The following VRK2 variants were observed in gnomAD, a reference collection of about 807,000 sequenced individuals.
VRK2 encodes VRK serine/threonine kinase 2.
A neutral mutation model predicts 57.6 loss-of-function variants in VRK2; 60 were observed. The observed-to-expected ratio is 1.04, with a 90% CI of 0.85 to 1.29. The LOEUF (loss-of-function observed/expected upper bound fraction) is 1.29. VRK2 is among the 50% of genes most tolerant of loss of function. The pLI, the probability that VRK2 is intolerant of heterozygous loss-of-function variation, is 0.00. For missense variants in VRK2, 705 were observed against 588.1 expected, an observed-to-expected ratio of 1.20 and a Z score of -2.06; for synonymous variants, 231 against 199.2, an observed-to-expected ratio of 1.16 and a Z score of -1.35.
chr2:58,140,105 T>C (rs775458417), intron 11 of VRK2, among the ~76,000 whole-genome samples: 1 of 152,082 alleles, frequency 6.6e-6, no homozygotes, highest in South Asian at 2.1e-4. Context: ...GCTAATCTGA[T>C]GTTACTCATG....
intron 1 of VRK2, among the ~76,000 whole-genome samples, chr2:57,919,883 T>A (rs914691146): frequency 2.0e-5 from 3 of 152,110 alleles, no homozygotes; most frequent in Admixed American, 1.3e-4. Flanking sequence ...AAGGAGCCAT[T>A]ATCTCCATGG....
Position 58,088,415 on chromosome 2 carries a change from A to G in VRK2, c.419A>G (p.Lys140Arg), listed in dbSNP as rs754614058. 1.9e-6 allele frequency: 3 copies of G among 1,613,390 alleles called. No individual in the cohort carries two copies. In the East Asian group the frequency reaches 6.7e-5, roughly 36 times the overall value. The change falls in exon 6 of 13, where the codon AAG becomes AGG. Residue 140 changes from lysine to arginine, a missense_variant. Physicochemically the swap from Lys to Arg is conservative, Grantham distance 26 (BLOSUM62 2). Transcript: ENST00000340157. ...TCAGGCCAGAATGGTACCTTTAAAA[A>G]GTCAACTGTCCTGCAATTAGGTATC... ...KISGQNGTFK[K>R]STVLQLGIRM...
rs138334530 is a variant in VRK2 at position 57,920,635 on chromosome 2, A to ACTG, written c.-439+12799_-439+12801dup. Among the ~76,000 whole-genome samples, 625 of 152,182 alleles carry ACTG rather than the reference A, an allele frequency of 4.1e-3. 6 individuals carry two copies. Among genetic ancestry groups the ACTG allele is most frequent in the African/African-American group, 0.014 (594 of 41,532 alleles). On this transcript the variant is annotated intron_variant, in intron 1 of 15. Transcript: ENST00000417641. Reference sequence around the variant, plus strand: ...ACGCAACTGGATCTAAACACTGAAGACTGCTATTCAAAACGTTGCTCCCTG... The same window carrying ACTG: ...ACGCAACTGGATCTAAACACTGAAGACTGCTGCTATTCAAAACGTTGCTCCCTG...
intron 10 of VRK2, among the ~76,000 whole-genome samples, chr2:58,137,986 C>T (rs538493944): frequency 6.6e-6 from 1 of 152,298 alleles, no homozygotes; most frequent in Non-Finnish European, 1.5e-5. Context: ...TCCTACCTCA[C>T]TGGTACCTCA....
At chr2:58,092,132 T>C (rs1672470222) in intron 7 of VRK2, among the ~76,000 whole-genome samples, 1 of 152,222 alleles carries the variant, frequency 6.6e-6, no homozygotes, top group African/African-American at 2.4e-5. Context: ...CACCAAGATG[T>C]AGAACATTTC....
chr2:58,028,908 ATAT>A (rs1558548537), intron 2 of VRK2, among the ~76,000 whole-genome samples: 878 of 37,356 alleles, frequency 0.024, 15 homozygotes, highest in African/African-American at 0.079. Context: ...AAATAAATAT[ATAT>A]ATATATATAT....
chr2:57,936,043 A>G (rs2717026), intron 1 of VRK2, among the ~76,000 whole-genome samples: 48,109 of 152,064 alleles, frequency 0.32, 8,348 homozygotes, highest in East Asian at 0.42. Context: ...GGAAGCTCCT[A>G]TTCCACCAAC....
chr2:58,038,132 G>A lies in VRK2; in HGVS notation c.-6+4579G>A, dbSNP rs527881499. 4.6e-4 allele frequency among the ~76,000 whole-genome samples: 70 copies of A among 152,174 alleles called. 1 individual carries two copies. Among genetic ancestry groups the A allele is most frequent in the Non-Finnish European group, 7.7e-4 (52 of 67,966 alleles). ...TGTGTCCCCACCCAAATCTCATCTC[G>A]AATTGTAATCCTCAGGTGTTGAGGG... On this transcript the variant is annotated intron_variant, in intron 3 of 15. Transcript: ENST00000417641.
chr2:57,927,419 G>A (rs1175052460), intron 1 of VRK2, among the ~76,000 whole-genome samples: 2 of 151,916 alleles, frequency 1.3e-5, no homozygotes, highest in Non-Finnish European at 2.9e-5. Context: ...TAGCATTACA[G>A]GTGCATGGCA....
chr2:58,152,745 G>C (rs1683256758), intron 12 of VRK2, among the ~76,000 whole-genome samples: 1 of 151,356 alleles, frequency 6.6e-6, no homozygotes, highest in South Asian at 2.1e-4. Context: ...TTTTTTAACA[G>C]TTTATTTTGA....
chr2:58,101,183 G>A (rs1214632978), intron 7 of VRK2, among the ~76,000 whole-genome samples: 2 of 151,654 alleles, frequency 1.3e-5, no homozygotes, highest in Non-Finnish European at 3.0e-5. Flanking sequence ...GTGCTCGTAA[G>A]ATTCCAAGGC....
intron 10 of VRK2, among the ~76,000 whole-genome samples, chr2:58,135,409 T>C (rs576301015): frequency 6.6e-6 from 1 of 151,470 alleles, no homozygotes; most frequent in South Asian, 2.1e-4. Context: ...AAAGAAGATA[T>C]TGAGGTGGAA....
rs550701086 is a variant in VRK2, at chr2:58,081,839, A to C, written c.137-2250A>C. Among the ~76,000 whole-genome samples, 12 of 147,596 alleles carry C rather than the reference A, an allele frequency of 8.1e-5. No individual in the cohort carries two copies. The East Asian group carries it at 2.2e-3, about 27-fold the overall frequency. ...ATCTTAGATTTCTCCACCAGACAGC[A>C]AAAGCATATACCATGTCCGTGTGTG... On this transcript the variant is annotated intron_variant, in intron 2 of 12. Coordinates refer to ENST00000340157, the MANE Select transcript of VRK2 (RefSeq NM_006296.7).
intron 4 of VRK2, among the ~76,000 whole-genome samples, chr2:58,085,930 CTTTT>C (rs59333442): frequency 8.6e-6 from 1 of 116,866 alleles, no homozygotes; most frequent in East Asian, 2.6e-4. Flanking sequence ...CTTTTTTTTT[CTTTT>C]TTTTTTTTTT....
At chr2:58,028,826 G>A (rs1328145615) in intron 2 of VRK2, among the ~76,000 whole-genome samples, 1 of 143,184 alleles carries the variant, frequency 7.0e-6, no homozygotes, top group Non-Finnish European at 1.5e-5. Context: ...CATGGCACAT[G>A]TATACATATG....
chr2:58,075,067 C>CCGTTGT, intron 2 of VRK2, among the ~76,000 whole-genome samples: 1 of 152,104 alleles, frequency 6.6e-6, no homozygotes. Flanking sequence ...TAAGTAGGCG[C>CCGTTGT]CGTTGTCTTT....
rs114349745 is a variant in VRK2, at chr2:57,972,868, G to A, written c.-438-52797G>A. ...ATATGTATGTATAAAAATATTCCTCGTTTCTTTTTACAGCTACATATTTCC... is the reference window on the plus strand; with the variant it reads ...ATATGTATGTATAAAAATATTCCTCATTTCTTTTTACAGCTACATATTTCC... On this transcript the variant is annotated intron_variant, in intron 1 of 15. Coordinates refer to the VRK2 transcript ENST00000417641. Among the ~76,000 whole-genome samples, 1,091 of 151,588 alleles carry A rather than the reference G, an allele frequency of 7.2e-3. 10 individuals are homozygous for A. The highest frequency in any genetic ancestry group is 0.024 in the African/African-American group (1,013 of 41,404).
At chr2:58,128,229 G>C (rs939391139) in intron 8 of VRK2, among the ~76,000 whole-genome samples, 1 of 152,184 alleles carries the variant, frequency 6.6e-6, no homozygotes, top group East Asian at 1.9e-4. Flanking sequence ...GTATGTCTTG[G>C]TGCTTTAAGT....
At chr2:58,149,225 A>G (rs1437178990) in intron 12 of VRK2, among the ~76,000 whole-genome samples, 3 of 151,422 alleles carry the variant, frequency 2.0e-5, no homozygotes, top group African/African-American at 7.3e-5. Context: ...GTAGATGTCT[A>G]TACATCTTCC....
Sources: gnomAD v4.1 joint callset for allele counts (sites outside exome capture counted in the v4.1 genomes callset) on GRCh38, gnomAD v4.1.1 for gene constraint, MANE v1.5 for transcripts, NCBI Gene and HGNC (gene_info 2026-07-23, HGNC 2026-07-21) for gene names.